The following CDH13 variants were observed in gnomAD, a reference collection of about 807,000 sequenced individuals.
The protein encoded by CDH13 is cadherin 13.
Under a neutral mutation model 63.8 loss-of-function variants are expected in CDH13, and 24 were observed. The observed-to-expected ratio is 0.38, with a 90% confidence interval of 0.27 to 0.53. CDH13 has a LOEUF of 0.53. CDH13 is among the 20% of genes least tolerant of loss of function. The pLI is 0.85. For synonymous variants in CDH13, 503 were observed against 355.3 expected (o/e 1.42, Z -4.67); for missense variants, 1,049 against 903.1 (o/e 1.16, Z -2.07).
chr16:83,412,822 C>G (rs1030772392), intron 6 of CDH13, among the ~76,000 whole-genome samples: 1 of 152,316 alleles, frequency 6.6e-6, no homozygotes, highest in Admixed American at 6.5e-5. Flanking sequence ...ATCTTTGAAC[C>G]CAGGGCAAGA....
intron 8 of CDH13, among the ~76,000 whole-genome samples, chr16:83,621,743 TC>T (rs1180387048): frequency 6.6e-6 from 1 of 151,430 alleles, no homozygotes; most frequent in Non-Finnish European, 1.5e-5. Flanking sequence ...CGCCTCGGCC[TC>T]CCAAAGTGCC....
In CDH13 at chr16:83,086,140, G is replaced by C. The variant is rs148562609; in HGVS notation, c.367-39245G>C. On this transcript the variant is annotated intron_variant, in intron 3 of 13. Transcript: ENST00000567109. ...AATGGTTAATGAAATACCAAACTCA[G>C]ATACCAGGCCACTGGTGTCTTCCAG... Among the ~76,000 whole-genome samples, 190 of 152,308 alleles carry C rather than the reference G, an allele frequency of 1.2e-3. 1 individual carries two copies. Among genetic ancestry groups the C allele is most frequent in the South Asian group, 1.0e-2 (48 of 4,824 alleles).
rs374091526 is a variant in CDH13 at position 82,785,188 on chromosome 16, G to T, written c.46-73174G>T. 3.3e-5 allele frequency among the ~76,000 whole-genome samples: 5 copies of T among 152,248 alleles called. No individual in the cohort carries two copies. The East Asian group carries it at 9.6e-4, about 29-fold the overall frequency. ...GAAACGGAGAGACATAAGATAGATT[G>T]TTGAAATAGGAAGGGGAAGACATGA... is the stretch of plus-strand genomic sequence containing the variant. On this transcript the variant is annotated intron_variant, in intron 1 of 13. Transcript: ENST00000567109.
At chr16:83,697,332 C>T (rs779364944) in intron 10 of CDH13, among the ~76,000 whole-genome samples, 1 of 152,058 alleles carries the variant, frequency 6.6e-6, no homozygotes, top group Non-Finnish European at 1.5e-5. Context: ...TGTTTAGTGC[C>T]GTGATTTTTA....
chr16:83,106,838 C>T (rs1048840359), intron 3 of CDH13, among the ~76,000 whole-genome samples: 1 of 152,116 alleles, frequency 6.6e-6, no homozygotes, highest in African/African-American at 2.4e-5. Context: ...ATTTACTTTT[C>T]TTCTGTGTTT....
At chr16:82,655,903 C>T (rs1350489204) in intron 1 of CDH13, among the ~76,000 whole-genome samples, 1 of 151,994 alleles carries the variant, frequency 6.6e-6, no homozygotes, top group Non-Finnish European at 1.5e-5. Context: ...TTTCAGCTAG[C>T]CTTTAGTGGG....
At chr16:83,006,063 G>T (rs761168739) in intron 2 of CDH13, among the ~76,000 whole-genome samples, 1 of 152,160 alleles carries the variant, frequency 6.6e-6, no homozygotes, top group African/African-American at 2.4e-5. Context: ...TGTCCTTAAG[G>T]TTGGTAGCTT....
At chr16:83,270,093 G>A (rs1193753762) in intron 5 of CDH13, among the ~76,000 whole-genome samples, 1 of 152,166 alleles carries the variant, frequency 6.6e-6, no homozygotes, top group Admixed American at 6.5e-5. Flanking sequence ...AAGTAGTATT[G>A]AGAATTTTAA....
chr16:83,453,682 T>C (rs2072942301), intron 6 of CDH13, among the ~76,000 whole-genome samples: 1 of 152,176 alleles, frequency 6.6e-6, no homozygotes, highest in South Asian at 2.1e-4. Flanking sequence ...GCATTGTGAA[T>C]TGGCTGTATG....
At chr16:83,006,789 T>C (rs1007520280) in intron 2 of CDH13, among the ~76,000 whole-genome samples, 1 of 152,256 alleles carries the variant, frequency 6.6e-6, no homozygotes, top group African/African-American at 2.4e-5. Flanking sequence ...GTTATTTGGA[T>C]GTTTTAGAAT....
intron 1 of CDH13, among the ~76,000 whole-genome samples, chr16:82,815,719 A>G (rs533736263): frequency 6.6e-6 from 1 of 152,266 alleles, no homozygotes; most frequent in East Asian, 1.9e-4. Flanking sequence ...CAGTGCCCCT[A>G]ATCGTAGACT....
intron 1 of CDH13, among the ~76,000 whole-genome samples, chr16:82,806,299 C>A (rs1303107984): frequency 2.0e-5 from 3 of 152,130 alleles, no homozygotes; most frequent in East Asian, 3.9e-4. Flanking sequence ...TCTTTCCAGC[C>A]CAGGGAGTCT....
chr16:83,032,588 C>G (rs1197373661), intron 3 of CDH13, among the ~76,000 whole-genome samples: 1 of 152,098 alleles, frequency 6.6e-6, no homozygotes, highest in African/African-American at 2.4e-5. Context: ...GAGGTCTCAG[C>G]AACTACCCTC....
At chr16:83,285,582 A>G (rs1328775205) in intron 5 of CDH13, among the ~76,000 whole-genome samples, 3 of 152,210 alleles carry the variant, frequency 2.0e-5, no homozygotes, top group Non-Finnish European at 4.4e-5. Flanking sequence ...TAGCATTTAC[A>G]TTGTATTAGC....
At chr16:83,395,880 G>A (rs2091877921) in intron 6 of CDH13, among the ~76,000 whole-genome samples, 1 of 152,154 alleles carries the variant, frequency 6.6e-6, no homozygotes, top group African/African-American at 2.4e-5. Flanking sequence ...GGGAGTTGTT[G>A]TAGAGATTAT....
intron 7 of CDH13, among the ~76,000 whole-genome samples, chr16:83,558,828 C>G (rs4238692): frequency 1.3e-5 from 2 of 151,944 alleles, no homozygotes; most frequent in Non-Finnish European, 2.9e-5. Context: ...AATTTACCCA[C>G]GTGGGTAGGT....
intron 7 of CDH13, among the ~76,000 whole-genome samples, chr16:83,497,957 A>T (rs1042113128): frequency 5.9e-5 from 9 of 152,252 alleles, no homozygotes; most frequent in African/African-American, 2.2e-4. Flanking sequence ...ACATTTTGAC[A>T]GCATAGTTCA....
intron 2 of CDH13, among the ~76,000 whole-genome samples, chr16:82,893,923 A>G (rs2041165130): frequency 6.6e-6 from 1 of 151,944 alleles, no homozygotes; most frequent in Non-Finnish European, 1.5e-5. Flanking sequence ...CAATACCACC[A>G]CTTCAGTAAC....
intron 1 of CDH13, among the ~76,000 whole-genome samples, chr16:82,847,913 C>CGTGT (rs2039332416): frequency 2.4e-5 from 2 of 83,858 alleles, no homozygotes; most frequent in African/African-American, 8.9e-5. Context: ...TTTTTTTGTA[C>CGTGT]TTCACAGATA....
Sources: gnomAD v4.1 joint callset for allele counts (sites outside exome capture counted in the v4.1 genomes callset) on GRCh38, gnomAD v4.1.1 for gene constraint, MANE v1.5 for transcripts, NCBI Gene and HGNC (gene_info 2026-07-23, HGNC 2026-07-21) for gene names.